Variants in PCDHGC4 observed in about 807,000 individuals in gnomAD.
The protein encoded by PCDHGC4 is protocadherin gamma subfamily C, 4.
A neutral mutation model predicts 59.7 loss-of-function variants in PCDHGC4; 15 were observed. The ratio of observed to expected loss-of-function variants is 0.25; its 90% CI spans 0.17 to 0.39. PCDHGC4 has a LOEUF of 0.39. PCDHGC4 is among the 10% of genes least tolerant of loss of function. The pLI is 1.00. For synonymous variants in PCDHGC4, 434 were observed against 481.4 expected (o/e 0.90, Z 1.29); for missense variants, 1,016 against 1,189.5 (o/e 0.85, Z 2.15).
Position 141,487,928 on chromosome 5 carries a change from A to G in PCDHGC4, c.2442+313A>G. Reference sequence around the variant, plus strand: ...GGGAGCACAGGAGGCTACAGTGCACAGGGTACAGTGCACCAGGCAGTCACT... The same window carrying G: ...GGGAGCACAGGAGGCTACAGTGCACGGGGTACAGTGCACCAGGCAGTCACT... On this transcript the variant is annotated intron_variant, in intron 1 of 3. Transcript: ENST00000306593. The surrounding 1 kb of genome is among the most constrained non-coding windows in gnomAD (Gnocchi z 5.0). The G allele has an allele frequency of 3.2e-6, 2 of 620,886 alleles. No homozygotes were observed. The highest frequency in any genetic ancestry group is 5.6e-6 in the Non-Finnish European group (2 of 355,916). The allele number at this position is 620,886 out of a possible 1,614,324, so 38.5% of individuals were successfully genotyped here. A position where few individuals can be genotyped will look rare whatever the true frequency, so the allele number is the denominator to read the frequency against.
intron 2 of PCDHGC4, among the ~76,000 whole-genome samples, chr5:141,500,023 G>C (rs1393994881): frequency 1.3e-5 from 2 of 151,754 alleles, no homozygotes; most frequent in Admixed American, 6.6e-5. Flanking sequence ...TTTTATATTT[G>C]AGTGAGTGTC....
Position 141,491,665 on chromosome 5 carries a change from C to G in PCDHGC4, c.2443-3142C>G. The stretch of plus-strand genomic sequence containing the variant: ...TCTGGCGCTGGAGCCTGACGCCATC[C>G]GGTCCCGCTCTAATACGCTGCGGGA... On this transcript the variant is annotated intron_variant, in intron 1 of 3. Transcript: ENST00000306593. This position sits in a 1 kb window ranked among gnomAD's most constrained non-coding sequence, Gnocchi z 6.9. 1 of 1,613,764 alleles carries G rather than the reference C, an allele frequency of 6.2e-7. No homozygotes were observed. Among genetic ancestry groups the G allele is most frequent in the Non-Finnish European group, 8.5e-7 (1 of 1,180,000 alleles).
Position 141,493,360 on chromosome 5 carries a change from G to T in PCDHGC4, c.2443-1447G>T, listed in dbSNP as rs1364095483. Reference sequence around the variant, plus strand: ...CAGAATGTGTGCTTTTAATTTCTTGGCACTTGGAACTTTAAAAGCTTGAGG... The same window carrying T: ...CAGAATGTGTGCTTTTAATTTCTTGTCACTTGGAACTTTAAAAGCTTGAGG... On this transcript the variant is annotated intron_variant, in intron 1 of 3. Transcript: ENST00000306593. This position sits in a 1 kb window ranked among gnomAD's most constrained non-coding sequence, Gnocchi z 4.3. Among the ~76,000 whole-genome samples the T allele has an allele frequency of 6.6e-6, 1 of 152,144 alleles. No individual in the cohort carries two copies. The highest frequency in any genetic ancestry group is 1.5e-5 in the Non-Finnish European group (1 of 68,022).
chr5:141,485,993 A>C lies in PCDHGC4; in HGVS notation c.820A>C (p.Ser274Arg). 6.2e-7 allele frequency: 1 copy of C among 1,614,210 alleles called. No homozygotes were observed. Among genetic ancestry groups the C allele is most frequent in the Non-Finnish European group, 8.5e-7 (1 of 1,180,028 alleles). The change falls in exon 1 of 4, where the codon AGT becomes CGT. Residue 274 changes from serine to arginine, a missense_variant. Coordinates refer to ENST00000306593, the MANE Select transcript of PCDHGC4 (RefSeq NM_018928.3). The surrounding 1 kb of genome is among the most constrained non-coding windows in gnomAD (Gnocchi z 5.7). ...LNASDPDLGPSGNVTFYFSGH... is the reference protein window; with the variant it reads ...LNASDPDLGPRGNVTFYFSGH... ...TGCCTCAGACCCGGACCTGGGTCCC[A>C]GTGGTAACGTCACCTTTTATTTCAG...
At position 141,490,561 on chromosome 5, in the gene PCDHGC4, A is replaced by C. The variant is rs2099701634; in HGVS notation, c.2442+2946A>C. The stretch of plus-strand genomic sequence containing the variant: ...TTCCCTACACAAACATCTCACCATC[A>C]GGCTCAACATTTCAGATGTCAATGA... On this transcript the variant is annotated intron_variant, in intron 1 of 3. Transcript: ENST00000306593. The surrounding 1 kb of genome is among the most constrained non-coding windows in gnomAD (Gnocchi z 5.4). The C allele has an allele frequency of 1.2e-6, 2 of 1,614,090 alleles. No homozygotes were observed. The highest frequency in any genetic ancestry group is 1.7e-4 in the Middle Eastern group (1 of 6,060).
Position 141,486,098 on chromosome 5 carries a change from G to A in PCDHGC4, c.925G>A (p.Asp309Asn), listed in dbSNP as rs1211678224. ...AAAGCTTACTCTTTTGGGGCCCCTA[G>A]ACTTTGAGAGTGAGAATTACTATGA... ...TGKLTLLGPLDFESENYYEFD... is the reference protein window; with the variant it reads ...TGKLTLLGPLNFESENYYEFD... Residue 309 changes from aspartate (D) to asparagine (N), a missense_variant, in exon 1 of 4, where the codon GAC (aspartate) becomes AAC (asparagine). Transcript: ENST00000306593. This position sits in a 1 kb window ranked among gnomAD's most constrained non-coding sequence, Gnocchi z 5.0. 5.0e-6 allele frequency: 8 copies of A among 1,614,032 alleles called. No homozygotes were observed. Among genetic ancestry groups the A allele is most frequent in the Admixed American group, 3.3e-5 (2 of 59,994 alleles).
intron 1 of PCDHGC4, among the ~76,000 whole-genome samples, chr5:141,488,655 G>C (rs1438020338): frequency 6.6e-6 from 1 of 152,164 alleles, no homozygotes. Flanking sequence ...GATGGGGGAG[G>C]GTGGGGGAAT....
At chr5:141,501,016 G>A (rs1042009106) in intron 2 of PCDHGC4, among the ~76,000 whole-genome samples, 7 of 151,716 alleles carry the variant, frequency 4.6e-5, no homozygotes, top group Non-Finnish European at 1.0e-4. Context: ...CTACAGGCAC[G>A]CGCCACCACG....
In PCDHGC4 at chr5:141,511,360, T is replaced by C; in HGVS notation, c.*187T>C. The C allele has an allele frequency of 7.5e-7, 1 of 1,333,050 alleles. No individual in the cohort carries two copies. Among genetic ancestry groups the C allele is most frequent in the Non-Finnish European group, 1.0e-6 (1 of 994,882 alleles). 82.6% of individuals were successfully genotyped at this position (1,333,050 alleles called of 1,614,324 possible). On this transcript the variant is annotated 3_prime_UTR_variant, in exon 4 of 4. Transcript: ENST00000306593. ...ACCTACCCCTTCCCCCCCAGGGGGT[T>C]GAATATGCAAAAGCAGTTCCGCTGG...
At chr5:141,502,291 G>A (rs1346186675) in intron 2 of PCDHGC4, among the ~76,000 whole-genome samples, 1 of 151,370 alleles carries the variant, frequency 6.6e-6, no homozygotes, top group African/African-American at 2.5e-5. Context: ...GCATTTGGTT[G>A]TCACGTCTTT....
intron 3 of PCDHGC4, among the ~76,000 whole-genome samples, chr5:141,507,713 C>T (rs2099862763): frequency 6.6e-6 from 1 of 152,234 alleles, no homozygotes; most frequent in Non-Finnish European, 1.5e-5. Flanking sequence ...GGCCCCAAAC[C>T]CTCCAAGCAA....
At position 141,486,455 on chromosome 5, in the gene PCDHGC4, T is replaced by G; in HGVS notation, c.1282T>G (p.Ser428Ala). Residue 428 changes from serine to alanine, a missense_variant, in exon 1 of 4, where the codon TCT becomes GCT. Transcript: ENST00000306593. This position sits in a 1 kb window ranked among gnomAD's most constrained non-coding sequence, Gnocchi z 5.0. ...KSSYDIMVTA[S>A]DAGNPPLSTH... Reference sequence around the variant, plus strand: ...TAGCTATGACATCATGGTCACTGCTTCTGATGCTGGGAACCCTCCTCTCAG... The same window carrying G: ...TAGCTATGACATCATGGTCACTGCTGCTGATGCTGGGAACCCTCCTCTCAG... 6.2e-7 allele frequency: 1 copy of G among 1,614,066 alleles called. No homozygotes were observed. Among genetic ancestry groups the G allele is most frequent in the Non-Finnish European group, 8.5e-7 (1 of 1,179,892 alleles).
In PCDHGC4 at chr5:141,485,089, G is replaced by C; in HGVS notation, c.-85G>C. 9.7e-7 allele frequency: 1 copy of C among 1,027,236 alleles called. No individual in the cohort carries two copies. The highest frequency in any genetic ancestry group is 1.5e-6 in the Non-Finnish European group (1 of 674,564). The allele number at this position is 1,027,236 out of a possible 1,614,324, so 63.6% of individuals were successfully genotyped here. On this transcript the variant is annotated 5_prime_UTR_variant, in exon 1 of 4. Coordinates refer to ENST00000306593, the MANE Select transcript of PCDHGC4 (RefSeq NM_018928.3). This position sits in a 1 kb window ranked among gnomAD's most constrained non-coding sequence, Gnocchi z 5.7. ...GAGCTGGCGCGGGGAAAGGGAGATA[G>C]GTGTCTCCAGCTGCTGTGGCTGTTT... is the stretch of plus-strand genomic sequence containing the variant.
Position 141,510,974 on chromosome 5 carries a change from G to T in PCDHGC4, c.2618G>T (p.Gly873Val). The T allele has an allele frequency of 6.2e-7, 1 of 1,614,150 alleles. No homozygotes were observed. The highest frequency in any genetic ancestry group is 1.1e-5 in the South Asian group (1 of 91,088). ...SEAADGSSTL[G>V]GGAGTMGLSA... ...GCTGCTGATGGGAGCTCCACCCTGG[G>T]AGGGGGTGCCGGCACCATGGGATTG... is the stretch of plus-strand genomic sequence containing the variant. The change falls in exon 4 of 4, where the codon GGA becomes GTA. Residue 873 changes from glycine (G) to valine (V), a missense_variant. Physicochemically the swap from Gly to Val is moderately radical, Grantham distance 109. Transcript: ENST00000306593.
At position 141,486,094 on chromosome 5, in the gene PCDHGC4, C is replaced by G. The variant is rs749887136; in HGVS notation, c.921C>G (p.Pro307=). 2 of 1,614,112 alleles carry G rather than the reference C, an allele frequency of 1.2e-6. No homozygotes were observed. Among genetic ancestry groups the G allele is most frequent in the Admixed American group, 3.3e-5 (2 of 60,018 alleles). ...PTTGKLTLLG[P]LDFESENYYE... is the part of the protein sequence containing the mutation. ...CTGGAAAGCTTACTCTTTTGGGGCCCCTAGACTTTGAGAGTGAGAATTACT... is the reference window on the plus strand; with the variant it reads ...CTGGAAAGCTTACTCTTTTGGGGCCGCTAGACTTTGAGAGTGAGAATTACT... The change falls in exon 1 of 4, where the codon CCC becomes CCG. Residue 307 remains proline, a synonymous_variant. Coordinates refer to ENST00000306593, the MANE Select transcript of PCDHGC4 (RefSeq NM_018928.3). The surrounding 1 kb of genome is among the most constrained non-coding windows in gnomAD (Gnocchi z 5.0).
intron 2 of PCDHGC4, among the ~76,000 whole-genome samples, chr5:141,502,408 G>A (rs1197275813): frequency 6.6e-6 from 1 of 151,782 alleles, no homozygotes; most frequent in Non-Finnish European, 1.5e-5. Context: ...CCCGAACCTG[G>A]ATTTGCTGGC....
At chr5:141,497,855 C>T (rs1447484949) in intron 2 of PCDHGC4, among the ~76,000 whole-genome samples, 1 of 152,122 alleles carries the variant, frequency 6.6e-6, no homozygotes, top group Non-Finnish European at 1.5e-5. Flanking sequence ...ATTTTTGATT[C>T]AGCGGCTCCA....
Position 141,490,721 on chromosome 5 carries a change from T to C in PCDHGC4, c.2442+3106T>C, listed in dbSNP as rs779242781. On this transcript the variant is annotated intron_variant, in intron 1 of 3. Coordinates refer to ENST00000306593, the MANE Select transcript of PCDHGC4 (RefSeq NM_018928.3). This position sits in a 1 kb window ranked among gnomAD's most constrained non-coding sequence, Gnocchi z 5.4. The stretch of plus-strand genomic sequence containing the variant: ...AATGCCCGCCTCACCTACTCCATTG[T>C]AGGAAATCAGGTTCAGGGAGCCCCA... 23 of 1,614,056 alleles carry C rather than the reference T, an allele frequency of 1.4e-5. No individual in the cohort carries two copies. The highest frequency in any genetic ancestry group is 6.6e-5 in the South Asian group (6 of 91,080).
At chr5:141,500,546 G>A (rs1428503967) in intron 2 of PCDHGC4, among the ~76,000 whole-genome samples, 1 of 152,126 alleles carries the variant, frequency 6.6e-6, no homozygotes, top group African/African-American at 2.4e-5. Context: ...ACCTAAATAA[G>A]TTGTTCACAA....
Sources: allele counts gnomAD v4.1 joint callset (sites outside exome capture counted in the v4.1 genomes callset), GRCh38; gene constraint gnomAD v4.1.1; non-coding constraint Gnocchi (gnomAD v3.1); transcripts MANE v1.5; gene names NCBI Gene and HGNC (gene_info 2026-07-23, HGNC 2026-07-21).